The following PRKCB variants were observed in gnomAD, a reference collection of about 807,000 sequenced individuals.
PRKCB encodes protein kinase C beta.
In PRKCB, 13 loss-of-function variants were observed where a neutral mutation model predicts 81.5. That is an observed-to-expected ratio of 0.16 (90% CI 0.10 to 0.25). PRKCB has a LOEUF of 0.25. PRKCB is among the 10% of genes least tolerant of loss of function. The pLI is 1.00. For missense variants in PRKCB, 509 were observed against 875.7 expected (o/e 0.58, Z 5.29); for synonymous variants, 335 against 321.4 (o/e 1.04, Z -0.45).
intron 3 of PRKCB, among the ~76,000 whole-genome samples, chr16:24,020,160 G>T (rs1424697404): frequency 6.6e-6 from 1 of 152,132 alleles, no homozygotes; most frequent in Non-Finnish European, 1.5e-5. Flanking sequence ...AAACTGTCGG[G>T]ATGAACATTT....
chr16:24,161,289 T>C (rs1393261425), intron 10 of PRKCB, among the ~76,000 whole-genome samples: 3 of 152,204 alleles, frequency 2.0e-5, no homozygotes, highest in Admixed American at 6.5e-5. Context: ...AAAATATCTT[T>C]CAAACATATG....
At chr16:23,968,450 TAAG>T (rs1296913234) in intron 2 of PRKCB, among the ~76,000 whole-genome samples, 1 of 152,100 alleles carries the variant, frequency 6.6e-6, no homozygotes, top group African/African-American at 2.4e-5. Flanking sequence ...GAGCTGGGGC[TAAG>T]AAGGAAGGCA....
intron 2 of PRKCB, among the ~76,000 whole-genome samples, chr16:23,979,822 A>G (rs1194349777): frequency 6.6e-6 from 1 of 152,218 alleles, no homozygotes; most frequent in East Asian, 1.9e-4. Context: ...TCCGAGCATC[A>G]GTGTCCCTGT....
At chr16:24,150,414 C>T (rs1005052205) in intron 9 of PRKCB, among the ~76,000 whole-genome samples, 10 of 152,196 alleles carry the variant, frequency 6.6e-5, no homozygotes, top group Non-Finnish European at 1.3e-4. Flanking sequence ...CCAGGACTGA[C>T]TCCTCAGAGT....
intron 2 of PRKCB, among the ~76,000 whole-genome samples, chr16:23,850,306 A>G (rs1459865102): frequency 6.6e-6 from 1 of 152,136 alleles, no homozygotes; most frequent in Non-Finnish European, 1.5e-5. Context: ...TCTTTGACAT[A>G]TTGATTTCAG....
intron 5 of PRKCB, among the ~76,000 whole-genome samples, chr16:24,068,139 GC>G (rs1009922213): frequency 2.0e-5 from 3 of 152,098 alleles, no homozygotes; most frequent in African/African-American, 7.2e-5. Flanking sequence ...ACTTGCCAGG[GC>G]CCTCCTTTTA....
rs147697010 is a variant in PRKCB at position 24,014,797 on chromosome 16, T to C, written c.289-17339T>C. Among the ~76,000 whole-genome samples, 574 of 152,270 alleles carry C rather than the reference T, an allele frequency of 3.8e-3. 1 individual carries two copies. The highest frequency in any genetic ancestry group is 5.7e-3 in the Non-Finnish European group (386 of 68,012). On this transcript the variant is annotated intron_variant, in intron 3 of 16. Coordinates refer to ENST00000643927, the MANE Select transcript of PRKCB (RefSeq NM_002738.7). ...GATTTAGTGTGATTATTATTTCCTT[T>C]TATTTATTTATTTAAGACAGAGTCT...
At chr16:24,140,738 A>G (rs527499690) in intron 9 of PRKCB, among the ~76,000 whole-genome samples, 2 of 152,178 alleles carry the variant, frequency 1.3e-5, no homozygotes, top group African/African-American at 2.4e-5. Flanking sequence ...CTGTGGGAGT[A>G]ATTGGGAAAG....
intron 2 of PRKCB, among the ~76,000 whole-genome samples, chr16:23,855,455 A>G (rs1229120267): frequency 6.6e-6 from 1 of 152,208 alleles, no homozygotes; most frequent in Non-Finnish European, 1.5e-5. Flanking sequence ...AACAAACAAA[A>G]AACAAAAATG....
Position 24,075,117 on chromosome 16 carries a change from CAA to C in PRKCB, c.530-17657_530-17656del, listed in dbSNP as rs35609342. On this transcript the variant is annotated intron_variant, in intron 5 of 16. Coordinates refer to ENST00000643927, the MANE Select transcript of PRKCB (RefSeq NM_002738.7). ...TGGGTGACAGAACAAGACCCTATCT[CAA>C]AAAAAAAAAAAAAAAATTTAATTAA... 6.9e-3 allele frequency among the ~76,000 whole-genome samples: 754 copies of C among 109,402 alleles called. 2 individuals carry two copies. The highest frequency in any genetic ancestry group is 7.7e-3 in the Non-Finnish European group (387 of 50,486). The allele number at this position is 109,402 out of a possible 152,430, so 71.8% of individuals were successfully genotyped here.
chr16:24,059,761 A>T (rs1293937975), intron 5 of PRKCB, among the ~76,000 whole-genome samples: 3 of 152,212 alleles, frequency 2.0e-5, no homozygotes, highest in Non-Finnish European at 2.9e-5. Context: ...AAGGGAAGAG[A>T]GAATTCAAGA....
At chr16:24,020,980 C>T (rs1464328525) in intron 3 of PRKCB, among the ~76,000 whole-genome samples, 2 of 90,422 alleles carry the variant, frequency 2.2e-5, no homozygotes, top group South Asian at 4.1e-4. Context: ...TTTTCTTTTT[C>T]TTTCTTTCTT....
chr16:23,904,961 T>G (rs1431869057), intron 2 of PRKCB, among the ~76,000 whole-genome samples: 1 of 152,096 alleles, frequency 6.6e-6, no homozygotes, highest in East Asian at 1.9e-4. Context: ...AAGGCCAGCT[T>G]TTAGCATGCC....
intron 3 of PRKCB, among the ~76,000 whole-genome samples, chr16:24,017,816 A>G (rs1965299680): frequency 6.6e-6 from 1 of 151,666 alleles, no homozygotes; most frequent in African/African-American, 2.4e-5. Flanking sequence ...TGTAGCCTTG[A>G]ACTCCCGGCC....
chr16:23,909,265 A>G (rs759622644), intron 2 of PRKCB, among the ~76,000 whole-genome samples: 4 of 152,110 alleles, frequency 2.6e-5, no homozygotes, highest in Admixed American at 6.5e-5. Context: ...TTTCTTCCAC[A>G]TTCCTCTATC....
chr16:23,839,582 A>AT (rs1391403035), intron 2 of PRKCB, among the ~76,000 whole-genome samples: 4 of 150,960 alleles, frequency 2.6e-5, no homozygotes, highest in Non-Finnish European at 5.9e-5. Flanking sequence ...TGGAGTGTCT[A>AT]TTTTTTAAAT....
At position 24,118,429 on chromosome 16, in the gene PRKCB, G is replaced by A. The variant is rs193136635; in HGVS notation, c.918+5360G>A. Among the ~76,000 whole-genome samples the A allele has an allele frequency of 3.8e-3, 581 of 152,362 alleles. 1 individual carries two copies. The highest frequency in any genetic ancestry group is 0.013 in the African/African-American group (544 of 41,570). On this transcript the variant is annotated intron_variant, in intron 8 of 16. Coordinates refer to ENST00000643927, the MANE Select transcript of PRKCB (RefSeq NM_002738.7). The stretch of plus-strand genomic sequence containing the variant: ...CCTCTTTCTGGGCTTTGGAAGGGCT[G>A]CTTGGAGGTTAGGGAAAATCTACAG...
chr16:23,846,572 T>C (rs1962371421), intron 2 of PRKCB, among the ~76,000 whole-genome samples: 2 of 121,702 alleles, frequency 1.6e-5, no homozygotes, highest in Admixed American at 1.1e-4. Flanking sequence ...ATTGCGCCAC[T>C]GCACTCCAGC....
At chr16:24,116,472 G>T (rs1420802020) in intron 8 of PRKCB, among the ~76,000 whole-genome samples, 1 of 152,096 alleles carries the variant, frequency 6.6e-6, no homozygotes, top group Non-Finnish European at 1.5e-5. Flanking sequence ...TTGAGCCTAT[G>T]CCCACCCGAC....
Sources: allele counts gnomAD v4.1 joint callset (sites outside exome capture counted in the v4.1 genomes callset), GRCh38; gene constraint gnomAD v4.1.1; transcripts MANE v1.5; gene names NCBI Gene and HGNC (gene_info 2026-07-23, HGNC 2026-07-21).